Variants in KCNIP1 observed in about 807,000 individuals in gnomAD.
KCNIP1 encodes the protein potassium voltage-gated channel interacting protein 1, also known as A-type potassium channel modulatory protein KCNIP1.
A neutral mutation model predicts 33.0 loss-of-function variants in KCNIP1; 18 were observed. The observed-to-expected ratio is 0.55, with a 90% CI of 0.38 to 0.81. The LOEUF (loss-of-function observed/expected upper bound fraction) is 0.81, where lower values mean the gene tolerates loss of function less well. KCNIP1 is among the 30% of genes least tolerant of loss of function. The pLI is 0.00. For synonymous variants in KCNIP1, 93 were observed against 98.3 expected (o/e 0.95, Z 0.32); for missense variants, 238 against 271.6 (o/e 0.88, Z 0.87).
At chr5:170,390,260 C>T (rs1764663605) in intron 1 of KCNIP1, among the ~76,000 whole-genome samples, 1 of 152,078 alleles carries the variant, frequency 6.6e-6, no homozygotes, top group African/African-American at 2.4e-5. Context: ...AATCCCAGCA[C>T]TTTGGGATGC....
intron 1 of KCNIP1, among the ~76,000 whole-genome samples, chr5:170,703,217 C>G (rs574845339): frequency 2.2e-5 from 3 of 137,692 alleles, no homozygotes; most frequent in Admixed American, 8.0e-5. Flanking sequence ...ATAAAAGTCA[C>G]TTAGGAAAAC....
intron 1 of KCNIP1, among the ~76,000 whole-genome samples, chr5:170,700,132 CT>C (rs1763043228): frequency 6.6e-6 from 1 of 152,018 alleles, no homozygotes; most frequent in African/African-American, 2.4e-5. Context: ...CTAGAGCAGG[CT>C]TATCTTGTTC....
chr5:170,680,989 AG>A lies in KCNIP1; in HGVS notation c.62-37767del, dbSNP rs1485800490. 4.5e-5 allele frequency: 18 copies of A among 399,082 alleles called. No individual in the cohort carries two copies. The Admixed American group carries it at 7.9e-4, about 18-fold the overall frequency. The allele number at this position is 399,082 out of a possible 1,614,324, so 24.7% of individuals were successfully genotyped here. On this transcript the variant is annotated intron_variant, in intron 1 of 7. Coordinates refer to ENST00000328939, the MANE Select transcript of KCNIP1 (RefSeq NM_014592.4). ...AATAAACCGTGCACTTTAGAACAGCAGGAAGGGAGGCTTGGAAGCCTGGTTT... is the reference window on the plus strand; with the variant it reads ...AATAAACCGTGCACTTTAGAACAGCAGAAGGGAGGCTTGGAAGCCTGGTTT...
chr5:170,483,933 T>C (rs1757029360), intron 1 of KCNIP1: 1 of 152,130 alleles, frequency 6.6e-6, no homozygotes, highest in South Asian at 2.1e-4. Flanking sequence ...GGGAATTGAG[T>C]TGTGGCCAGA....
At position 170,732,918 on chromosome 5, in the gene KCNIP1, C is replaced by T; in HGVS notation, c.540+14C>T. On this transcript the variant is annotated intron_variant, in intron 6 of 7. Transcript: ENST00000328939. ...GTCTTCTTCCAGGTAAGTGCACACACCCTGCACATGAGCTGTAAGCCCAGC... is the reference window on the plus strand; with the variant it reads ...GTCTTCTTCCAGGTAAGTGCACACATCCTGCACATGAGCTGTAAGCCCAGC... The T allele has an allele frequency of 6.6e-7, 1 of 1,517,946 alleles. No individual in the cohort carries two copies. Among genetic ancestry groups the T allele is most frequent in the Non-Finnish European group, 9.2e-7 (1 of 1,092,574 alleles). The allele number at this position is 1,517,946 out of a possible 1,614,324, so 94.0% of individuals were successfully genotyped here.
intron 5 of KCNIP1, among the ~76,000 whole-genome samples, chr5:170,723,853 T>C (rs1763917037): frequency 6.6e-6 from 1 of 152,124 alleles, no homozygotes; most frequent in Non-Finnish European, 1.5e-5. Flanking sequence ...GGAAAAGTGT[T>C]CCAGGCAGAA....
intron 1 of KCNIP1, among the ~76,000 whole-genome samples, chr5:170,507,855 T>A (rs1470152128): frequency 6.6e-6 from 1 of 152,158 alleles, no homozygotes; most frequent in African/African-American, 2.4e-5. Flanking sequence ...CTTCTCTCTG[T>A]TTGGGATCTT....
intron 1 of KCNIP1, among the ~76,000 whole-genome samples, chr5:170,568,790 T>G (rs1267533634): frequency 6.6e-6 from 1 of 150,906 alleles, no homozygotes; most frequent in Non-Finnish European, 1.5e-5. Context: ...ACCACTGCAC[T>G]CCCGCCTGGT....
intron 1 of KCNIP1, among the ~76,000 whole-genome samples, chr5:170,398,474 C>T (rs570417302): frequency 6.6e-6 from 1 of 152,324 alleles, no homozygotes; most frequent in Non-Finnish European, 1.5e-5. Flanking sequence ...ATTCTTAACA[C>T]TCTTAAATTT....
At chr5:170,368,849 C>T (rs780709789) in intron 1 of KCNIP1, among the ~76,000 whole-genome samples, 5 of 152,354 alleles carry the variant, frequency 3.3e-5, no homozygotes, top group East Asian at 1.9e-4. Context: ...AACCCACACA[C>T]GCATTCTCCT....
chr5:170,613,416 T>C (rs1409435813), intron 1 of KCNIP1, among the ~76,000 whole-genome samples: 1 of 152,232 alleles, frequency 6.6e-6, no homozygotes. Context: ...TGCACTAATT[T>C]ATTTAGCTTC....
intron 1 of KCNIP1, among the ~76,000 whole-genome samples, chr5:170,710,451 G>A (rs1457183388): frequency 6.6e-6 from 1 of 152,132 alleles, no homozygotes; most frequent in Non-Finnish European, 1.5e-5. Flanking sequence ...ATCTAGATCA[G>A]CTGTGGATCT....
chr5:170,392,930 A>C (rs1754646163), intron 1 of KCNIP1, among the ~76,000 whole-genome samples: 3 of 152,222 alleles, frequency 2.0e-5, no homozygotes. Flanking sequence ...TTTGTTTATG[A>C]AGCACCTACT....
At chr5:170,450,544 C>G (rs534462860) in intron 1 of KCNIP1, among the ~76,000 whole-genome samples, 5 of 152,262 alleles carry the variant, frequency 3.3e-5, no homozygotes, top group South Asian at 4.1e-4. Flanking sequence ...AAATTCCGCC[C>G]AGACTCCTCT....
intron 1 of KCNIP1, among the ~76,000 whole-genome samples, chr5:170,526,302 T>C (rs1208793469): frequency 1.3e-5 from 2 of 152,240 alleles, no homozygotes; most frequent in African/African-American, 2.4e-5. Flanking sequence ...GCCAGCTATG[T>C]TGTCAATATC....
intron 1 of KCNIP1, among the ~76,000 whole-genome samples, chr5:170,622,199 C>T (rs976311697): frequency 6.6e-6 from 1 of 152,226 alleles, no homozygotes; most frequent in African/African-American, 2.4e-5. Flanking sequence ...CATATTCACT[C>T]AGAACCTTCA....
At chr5:170,405,251 G>C (rs141392687) in intron 1 of KCNIP1, among the ~76,000 whole-genome samples, 16 of 151,984 alleles carry the variant, frequency 1.1e-4, no homozygotes, top group African/African-American at 3.9e-4. Flanking sequence ...GTGGAGTGCA[G>C]TGGTGCAATC....
At chr5:170,364,205 C>T (rs908486425) in intron 1 of KCNIP1, among the ~76,000 whole-genome samples, 1 of 152,064 alleles carries the variant, frequency 6.6e-6, no homozygotes, top group Non-Finnish European at 1.5e-5. Flanking sequence ...GAGGTTTCTC[C>T]ATGTTGCCCA....
At chr5:170,574,762 G>A (rs190006134) in intron 1 of KCNIP1, among the ~76,000 whole-genome samples, 4 of 152,232 alleles carry the variant, frequency 2.6e-5, no homozygotes, top group Admixed American at 6.5e-5. Context: ...CCCATGGCAG[G>A]GCACACTCAC....
Sources: allele counts gnomAD v4.1 joint callset (sites outside exome capture counted in the v4.1 genomes callset), GRCh38; gene constraint gnomAD v4.1.1; transcripts MANE v1.5; gene names NCBI Gene and HGNC (gene_info 2026-07-23, HGNC 2026-07-21).